OXNAD1: variants seen among roughly 807,000 people sequenced by gnomAD.
The protein encoded by OXNAD1 is oxidoreductase NAD-binding domain-containing protein 1.
A neutral mutation model predicts 32.9 loss-of-function variants in OXNAD1; 34 were observed. That is an observed-to-expected ratio of 1.03 (90% CI 0.79 to 1.38). The LOEUF (loss-of-function observed/expected upper bound fraction) is 1.38. Ranked by LOEUF, OXNAD1 falls within the 40% of genes most tolerant of loss-of-function variation. The pLI, the probability that OXNAD1 is intolerant of heterozygous loss-of-function variation, is 0.00. For missense variants in OXNAD1, 407 were observed against 379.4 expected, an observed-to-expected ratio of 1.07 and a Z score of -0.60; for synonymous variants, 134 against 135.2, an observed-to-expected ratio of 0.99 and a Z score of 0.06.
Position 16,270,971 on chromosome 3 carries a change from A to T in OXNAD1, c.19A>T (p.Met7Leu). 6.2e-7 allele frequency: 1 copy of T among 1,614,178 alleles called. No homozygotes were observed. The highest frequency in any genetic ancestry group is 8.5e-7 in the Non-Finnish European group (1 of 1,180,030). MACAAV[M>L]IPGLLRCSVG... ...AAGCGCCATGGCCTGTGCTGCTGTT[A>T]TGATTCCTGGGTTGTTGCGGTGCTC... Residue 7 changes from methionine to leucine, a missense_variant, in exon 3 of 9, where the codon ATG (methionine) becomes TTG (leucine). Met to Leu is a conservative substitution (Grantham distance 15). Transcript: ENST00000285083.
At chr3:16,313,440 C>T (rs1290685109) in intron 9 of OXNAD1, 1 of 152,188 alleles carries the variant, frequency 6.6e-6, no homozygotes, top group African/African-American at 2.4e-5. Flanking sequence ...TTGCCAGAAC[C>T]AGTCTCATGG....
rs2068594291 is a variant in OXNAD1, at chr3:16,317,878, T to C, written c.*30+14286T>C. 6.6e-6 allele frequency among the ~76,000 whole-genome samples: 1 copy of C among 152,178 alleles called. No homozygotes were observed. ...CAACAACCCATTTCCTGATCCCAAT[T>C]TGGGATAACGCAAATGCCATCCCAG... On this transcript the variant is annotated intron_variant, in intron 9 of 9. Transcript: ENST00000435829. The surrounding 1 kb of genome is among the most constrained non-coding windows in gnomAD (Gnocchi z 4.3).
rs1023227004 is a variant in OXNAD1, at chr3:16,304,180, A to C, written c.*618A>C. ...ATGAATATCCTAAGTGTGTATCCTG[A>C]CTAATTGTTAGTTTCTTCTCAAATG... On this transcript the variant is annotated 3_prime_UTR_variant, in exon 9 of 9. Coordinates refer to ENST00000285083, the MANE Select transcript of OXNAD1 (RefSeq NM_138381.5). This position sits in a 1 kb window ranked among gnomAD's most constrained non-coding sequence, Gnocchi z 4.6. The C allele has an allele frequency of 2.6e-5, 4 of 152,202 alleles. No homozygotes were observed. Among genetic ancestry groups the C allele is most frequent in the African/African-American group, 9.7e-5 (4 of 41,438 alleles). 9.4% of individuals were successfully genotyped at this position (152,202 alleles called of 1,614,324 possible).
chr3:16,314,458 A>C lies in OXNAD1; in HGVS notation c.*30+10866A>C, dbSNP rs892841705. ...TAGAGTCCTCTGGGAGCTTTTAAAA[A>C]TCCTGATGCCCACGCCACTCCCCAG... On this transcript the variant is annotated intron_variant, in intron 9 of 9. Coordinates refer to the OXNAD1 transcript ENST00000435829. The surrounding 1 kb of genome is among the most constrained non-coding windows in gnomAD (Gnocchi z 4.4). 4 of 152,052 alleles carry C rather than the reference A, an allele frequency of 2.6e-5. No homozygotes were observed. The highest frequency in any genetic ancestry group is 5.9e-5 in the Non-Finnish European group (4 of 68,002). The allele number at this position is 152,052 out of a possible 1,614,324, so 9.4% of individuals were successfully genotyped here.
At chr3:16,294,265 C>T (rs1382874834) in intron 5 of OXNAD1, among the ~76,000 whole-genome samples, 3 of 151,566 alleles carry the variant, frequency 2.0e-5, no homozygotes, top group Non-Finnish European at 2.9e-5. Flanking sequence ...TGCAGTGGCG[C>T]AATCTTGGCT....
At position 16,314,230 on chromosome 3, in the gene OXNAD1, T is replaced by C. The variant is rs2068176217; in HGVS notation, c.*30+10638T>C. ...GTCCGTGGGACCTGGTCAGTGCAAATGATGGCTTTTTACCCTATTGGCAAT... is the reference window on the plus strand; with the variant it reads ...GTCCGTGGGACCTGGTCAGTGCAAACGATGGCTTTTTACCCTATTGGCAAT... On this transcript the variant is annotated intron_variant, in intron 9 of 9. Transcript: ENST00000435829. The surrounding 1 kb of genome is among the most constrained non-coding windows in gnomAD (Gnocchi z 4.4). Among the ~76,000 whole-genome samples, 1 of 152,178 alleles carries C rather than the reference T, an allele frequency of 6.6e-6. No individual in the cohort carries two copies. Among genetic ancestry groups the C allele is most frequent in the Non-Finnish European group, 1.5e-5 (1 of 68,034 alleles).
At position 16,271,795 on chromosome 3, in the gene OXNAD1, A is replaced by G; in HGVS notation, c.183+73A>G. 1 of 1,299,014 alleles carries G rather than the reference A, an allele frequency of 7.7e-7. No homozygotes were observed. The highest frequency in any genetic ancestry group is 1.3e-5 in the South Asian group (1 of 74,408). 80.5% of individuals were successfully genotyped at this position (1,299,014 alleles called of 1,614,324 possible). A position where few individuals can be genotyped will look rare whatever the true frequency, so the allele number is the denominator to read the frequency against. ...ATGTGGTTATGACTGGCTTATGGGT[A>G]AAGCATTAGATGAGTCTGGTCCTTT... On this transcript the variant is annotated intron_variant, in intron 4 of 8. Transcript: ENST00000285083. This position sits in a 1 kb window ranked among gnomAD's most constrained non-coding sequence, Gnocchi z 4.6.
intron 9 of OXNAD1, among the ~76,000 whole-genome samples, chr3:16,325,781 G>A (rs903435280): frequency 6.6e-6 from 1 of 152,212 alleles, no homozygotes; most frequent in African/African-American, 2.4e-5. Flanking sequence ...GGAGGGACTA[G>A]GAAAGACATC....
chr3:16,347,149 C>T, intron 9 of OXNAD1, among the ~76,000 whole-genome samples: 1 of 152,316 alleles, frequency 6.6e-6, no homozygotes, highest in Non-Finnish European at 1.5e-5. Context: ...TGATGAAAAT[C>T]CCACTATGGC....
chr3:16,350,400 G>T (rs1406710456), downstream of OXNAD1: 1 of 152,158 alleles, frequency 6.6e-6, no homozygotes, highest in Non-Finnish European at 1.5e-5. Flanking sequence ...TCATGGATGG[G>T]CGTGGGCATT....
Position 16,321,939 on chromosome 3 carries a change from G to A in OXNAD1, c.*31-15173G>A, listed in dbSNP as rs2069108339. On this transcript the variant is annotated intron_variant, in intron 9 of 9. Coordinates refer to the OXNAD1 transcript ENST00000435829. The surrounding 1 kb of genome is among the most constrained non-coding windows in gnomAD (Gnocchi z 4.8). Reference sequence around the variant, plus strand: ...CCTTCACACCAACATCCAACCACATGTCTCTCCTTTGGAATCTGTGTGCCC... The same window carrying A: ...CCTTCACACCAACATCCAACCACATATCTCTCCTTTGGAATCTGTGTGCCC... Among the ~76,000 whole-genome samples, 4 of 152,280 alleles carry A rather than the reference G, an allele frequency of 2.6e-5. No individual in the cohort carries two copies. The highest frequency in any genetic ancestry group is 4.8e-5 in the African/African-American group (2 of 41,562).
chr3:16,309,790 C>T (rs2067840885), downstream of OXNAD1, among the ~76,000 whole-genome samples: 1 of 152,202 alleles, frequency 6.6e-6, no homozygotes, highest in Non-Finnish European at 1.5e-5. Context: ...AACCTGCTTT[C>T]CTTATCTGTC....
In OXNAD1 at chr3:16,290,399, C is replaced by A. The variant is rs954042573; in HGVS notation, c.290+3951C>A. The stretch of plus-strand genomic sequence containing the variant: ...CTTCTGTATTTTTTAATGAAGGAGT[C>A]CTTTTTTTCCAAAGGTAGCTTTCCA... On this transcript the variant is annotated intron_variant, in intron 5 of 8. Coordinates refer to ENST00000285083, the MANE Select transcript of OXNAD1 (RefSeq NM_138381.5). This position sits in a 1 kb window ranked among gnomAD's most constrained non-coding sequence, Gnocchi z 4.2. Among the ~76,000 whole-genome samples the A allele has an allele frequency of 1.3e-5, 2 of 152,066 alleles. No individual in the cohort carries two copies. The highest frequency in any genetic ancestry group is 4.8e-5 in the African/African-American group (2 of 41,402).
rs979861740 is a variant in OXNAD1 at position 16,322,029 on chromosome 3, T to C, written c.*31-15083T>C. Among the ~76,000 whole-genome samples the C allele has an allele frequency of 4.6e-5, 7 of 152,222 alleles. No individual in the cohort carries two copies. The highest frequency in any genetic ancestry group is 1.4e-4 in the African/African-American group (6 of 41,452). On this transcript the variant is annotated intron_variant, in intron 9 of 9. Coordinates refer to the OXNAD1 transcript ENST00000435829. The surrounding 1 kb of genome is among the most constrained non-coding windows in gnomAD (Gnocchi z 6.2). Reference sequence around the variant, plus strand: ...CCTCTGTAAGGCTGCAGCGGGTGTCTGTCAGCATCTGACAGGGGCCCTTTG... The same window carrying C: ...CCTCTGTAAGGCTGCAGCGGGTGTCCGTCAGCATCTGACAGGGGCCCTTTG...
Position 16,271,054 on chromosome 3 carries a change from C to T in OXNAD1, c.102C>T (p.Arg34=), listed in dbSNP as rs1316792502. ...ASLRLTLSTL[R]HLTLTSIMKS... ...TGAGATTGACACTCAGCACTTTGCG[C>T]CACCTTACTCTAACCAGGTGAGTCA... Residue 34 remains arginine, a synonymous_variant, in exon 3 of 9, where the codon CGC becomes CGT. Transcript: ENST00000285083. The surrounding 1 kb of genome is among the most constrained non-coding windows in gnomAD (Gnocchi z 4.6). 13 of 1,613,944 alleles carry T rather than the reference C, an allele frequency of 8.1e-6. No homozygotes were observed. Among genetic ancestry groups the T allele is most frequent in the Non-Finnish European group, 1.1e-5 (13 of 1,180,002 alleles).
In OXNAD1 at chr3:16,301,798, G is replaced by T. The variant is rs2067205822; in HGVS notation, c.605G>T (p.Arg202Ile). Residue 202 changes from arginine to isoleucine, a missense_variant, in exon 7 of 9, where the codon AGA (arginine) becomes ATA (isoleucine). Physicochemically the swap from Arg to Ile is moderately conservative, Grantham distance 97. Transcript: ENST00000285083. This position sits in a 1 kb window ranked among gnomAD's most constrained non-coding sequence, Gnocchi z 4.1. ...ADLLREQANK[R>I]NGYEIGTIKL... ...CTCCTCAGAGAGCAGGCAAACAAAA[G>T]AAATGGATATGAGATAGGAACAATA... 1 of 1,613,956 alleles carries T rather than the reference G, an allele frequency of 6.2e-7. No homozygotes were observed. The highest frequency in any genetic ancestry group is 1.1e-5 in the South Asian group (1 of 91,092).
At chr3:16,313,408 T>C (rs1183383997) in intron 9 of OXNAD1, among the ~76,000 whole-genome samples, 1 of 152,028 alleles carries the variant, frequency 6.6e-6, no homozygotes, top group African/African-American at 2.4e-5. Context: ...CTGAAGCTTT[T>C]ATCAGACCTG....
chr3:16,307,286 C>G (rs79176141), downstream of OXNAD1, among the ~76,000 whole-genome samples: 2,275 of 152,266 alleles, frequency 0.015, 70 homozygotes, highest in East Asian at 0.1. Context: ...GTCGCCCCTG[C>G]TGTGTCAGTG....
intron 2 of OXNAD1, among the ~76,000 whole-genome samples, chr3:16,270,611 A>C (rs1443681432): frequency 2.0e-5 from 3 of 152,236 alleles, no homozygotes. Context: ...TACAATTATC[A>C]GGAAGTTATA....
Sources: allele counts gnomAD v4.1 joint callset (sites outside exome capture counted in the v4.1 genomes callset), GRCh38; gene constraint gnomAD v4.1.1; non-coding constraint Gnocchi (gnomAD v3.1); transcripts MANE v1.5; gene names NCBI Gene and HGNC (gene_info 2026-07-23, HGNC 2026-07-21).